Variants in PITPNC1 observed in about 807,000 individuals in gnomAD.
The protein encoded by PITPNC1 is phosphatidylinositol transfer protein cytoplasmic 1, also known as cytoplasmic phosphatidylinositol transfer protein 1.
A neutral mutation model predicts 44.7 loss-of-function variants in PITPNC1; 18 were observed. The ratio of observed to expected loss-of-function variants is 0.40; its 90% CI spans 0.28 to 0.60. The LOEUF (loss-of-function observed/expected upper bound fraction) is 0.60. Among genes scored for constraint, PITPNC1 ranks in the 20% least tolerant of loss-of-function variants. The pLI, the probability that PITPNC1 is intolerant of heterozygous loss-of-function variation, is 0.39. For synonymous variants in PITPNC1, 141 were observed against 149.6 expected (o/e 0.94, Z 0.42); for missense variants, 290 against 418.4 (o/e 0.69, Z 2.68).
rs768407846 is a variant in PITPNC1, at chr17:67,626,706, A to G, written c.367-5437A>G. On this transcript the variant is annotated intron_variant, in intron 5 of 8. Transcript: ENST00000581322. ...TTAAACTCAGCTCTCCTGATTGCCA[A>G]TGTAGGACCCATCAGCCCATAGTAG... is the stretch of plus-strand genomic sequence containing the variant. Among the ~76,000 whole-genome samples the G allele has an allele frequency of 8.9e-4, 135 of 151,968 alleles. 2 individuals are homozygous for G. Among genetic ancestry groups the G allele is most frequent in the Non-Finnish European group, 1.4e-3 (94 of 67,996 alleles).
Position 67,501,823 on chromosome 17 carries a change from A to C in PITPNC1, c.49-30979A>C, listed in dbSNP as rs185559311. Among the ~76,000 whole-genome samples, 667 of 151,996 alleles carry C rather than the reference A, an allele frequency of 4.4e-3. 17 individuals are homozygous for C. Among genetic ancestry groups the C allele is most frequent in the Non-Finnish European group, 2.5e-3 (172 of 67,962 alleles). ...ACTCCAGCCTGGGCAACAAGAGCAA[A>C]ACTCTGTCTCAAAAAAAAAAAAAAG... On this transcript the variant is annotated intron_variant, in intron 1 of 8. Transcript: ENST00000581322.
At chr17:67,552,367 A>C in intron 3 of PITPNC1, 22 bp downstream of exon 3, 1 of 1,151,010 alleles carries the variant, frequency 8.7e-7, no homozygotes, top group Non-Finnish European at 1.3e-6. Context: ...GTACAACCAT[A>C]TGGCACATGT....
chr17:67,623,148 A>C (rs2041855099), intron 5 of PITPNC1, among the ~76,000 whole-genome samples: 1 of 144,704 alleles, frequency 6.9e-6, no homozygotes, highest in Non-Finnish European at 1.5e-5. Context: ...AGTAGAGAGG[A>C]TCAGTGGTTT....
chr17:67,404,399 C>G (rs1283804943), intron 1 of PITPNC1, among the ~76,000 whole-genome samples: 3 of 152,156 alleles, frequency 2.0e-5, no homozygotes, highest in African/African-American at 7.2e-5. Flanking sequence ...ATATGTCTAT[C>G]TAGACTGTGT....
At chr17:67,677,725 C>T (rs1180946754) in intron 8 of PITPNC1, among the ~76,000 whole-genome samples, 2 of 152,070 alleles carry the variant, frequency 1.3e-5, no homozygotes, top group African/African-American at 4.8e-5. Flanking sequence ...CCCACCACCA[C>T]GCCCTGCTAA....
intron 1 of PITPNC1, among the ~76,000 whole-genome samples, chr17:67,472,463 C>T (rs909069939): frequency 4.0e-5 from 6 of 148,680 alleles, no homozygotes; most frequent in African/African-American, 1.5e-4. Context: ...CTGGCTAACA[C>T]AGTGAAACCC....
intron 1 of PITPNC1, among the ~76,000 whole-genome samples, chr17:67,398,607 C>G (rs1204602287): frequency 6.6e-6 from 1 of 152,096 alleles, no homozygotes; most frequent in Admixed American, 6.6e-5. Flanking sequence ...GCATACTTCT[C>G]AGCTGTAATG....
At chr17:67,677,776 TG>T (rs1394959786) in intron 8 of PITPNC1, among the ~76,000 whole-genome samples, 1 of 151,980 alleles carries the variant, frequency 6.6e-6, no homozygotes, top group African/African-American at 2.4e-5. Context: ...TTTACTATGC[TG>T]GCCAGGTTGG....
intron 8 of PITPNC1, chr17:67,687,244 C>A: frequency 1.1e-6 from 1 of 881,832 alleles, no homozygotes; most frequent in South Asian, 1.4e-5. Context: ...GTAAACTGAT[C>A]TGGGAAATAC....
chr17:67,659,725 AT>A (rs1555578511), intron 6 of PITPNC1, among the ~76,000 whole-genome samples: 1 of 151,800 alleles, frequency 6.6e-6, no homozygotes, highest in Non-Finnish European at 1.5e-5. Context: ...TTTTCTTTTT[AT>A]TTTTTTCCAA....
intron 1 of PITPNC1, among the ~76,000 whole-genome samples, chr17:67,438,075 G>GA (rs2038961411): frequency 6.8e-6 from 1 of 146,466 alleles, no homozygotes; most frequent in South Asian, 2.2e-4. Context: ...CTCAAAAAAA[G>GA]AAAAAAAGAA....
chr17:67,454,285 G>C (rs921224178), intron 1 of PITPNC1, among the ~76,000 whole-genome samples: 5 of 151,596 alleles, frequency 3.3e-5, no homozygotes, highest in African/African-American at 1.2e-4. Context: ...AAGAGGACAG[G>C]CTCTAGGGTA....
intron 5 of PITPNC1, among the ~76,000 whole-genome samples, chr17:67,610,664 T>A (rs1281381045): frequency 6.6e-6 from 1 of 152,134 alleles, no homozygotes; most frequent in Non-Finnish European, 1.5e-5. Context: ...GGCTCACGCC[T>A]GTAATCACAG....
At chr17:67,497,793 G>T (rs1369145229) in intron 1 of PITPNC1, among the ~76,000 whole-genome samples, 1 of 151,556 alleles carries the variant, frequency 6.6e-6, no homozygotes, top group Non-Finnish European at 1.5e-5. Flanking sequence ...CTCCCAAAGT[G>T]CTGGGATTAC....
At chr17:67,512,001 A>T (rs1193408793) in intron 1 of PITPNC1, among the ~76,000 whole-genome samples, 4 of 152,164 alleles carry the variant, frequency 2.6e-5, no homozygotes, top group Non-Finnish European at 4.4e-5. Context: ...CCTGCTGATG[A>T]TGCACTTGAA....
intron 1 of PITPNC1, among the ~76,000 whole-genome samples, chr17:67,401,372 G>A (rs1484015522): frequency 2.6e-5 from 4 of 152,094 alleles, no homozygotes; most frequent in Non-Finnish European, 4.4e-5. Flanking sequence ...ACCAGCCATC[G>A]CTTGGGTGTG....
intron 1 of PITPNC1, among the ~76,000 whole-genome samples, chr17:67,417,509 A>G (rs2038606295): frequency 6.6e-6 from 1 of 152,126 alleles, no homozygotes; most frequent in African/African-American, 2.4e-5. Flanking sequence ...TAACCTACAT[A>G]TAATTTCTTG....
intron 7 of PITPNC1, among the ~76,000 whole-genome samples, chr17:67,673,677 G>A (rs891264296): frequency 7.2e-5 from 11 of 152,136 alleles, no homozygotes; most frequent in African/African-American, 2.4e-4. Context: ...GAGGCCAGGC[G>A]TGGTGGCTCA....
chr17:67,492,940 G>T (rs2039883755), intron 1 of PITPNC1, among the ~76,000 whole-genome samples: 1 of 152,200 alleles, frequency 6.6e-6, no homozygotes, highest in Non-Finnish European at 1.5e-5. Flanking sequence ...ACGACAAAGA[G>T]TGCTGTTACA....
Sources: allele counts gnomAD v4.1 joint callset (sites outside exome capture counted in the v4.1 genomes callset), GRCh38; gene constraint gnomAD v4.1.1; transcripts MANE v1.5; gene names NCBI Gene and HGNC (gene_info 2026-07-23, HGNC 2026-07-21).